The following WWC2 variants were observed in gnomAD, a reference collection of about 807,000 sequenced individuals.
WWC2 encodes the protein protein WWC2.
WWC2 carries 101 observed loss-of-function variants against 138.5 expected under a neutral mutation model. The ratio of observed to expected loss-of-function variants is 0.73; its 90% CI spans 0.62 to 0.86. The LOEUF (loss-of-function observed/expected upper bound fraction) is 0.86, where lower values mean the gene tolerates loss of function less well. Ranked by LOEUF, WWC2 falls within the 40% of genes least tolerant of loss-of-function variation. WWC2 has a pLI of 0.00. For synonymous variants in WWC2, 558 were observed against 538.4 expected (o/e 1.04, Z -0.50); for missense variants, 1,420 against 1,419.4 (o/e 1.00, Z -0.01).
intron 15 of WWC2, chr4:183,270,042 A>AG (rs1185952107): frequency 6.6e-6 from 1 of 152,216 alleles, no homozygotes; most frequent in Admixed American, 6.5e-5. Flanking sequence ...ACAAAGTTTA[A>AG]GAGGGGTAGG....
chr4:183,171,612 T>C (rs1366939710), intron 1 of WWC2, among the ~76,000 whole-genome samples: 5 of 151,536 alleles, frequency 3.3e-5, no homozygotes, highest in Non-Finnish European at 7.4e-5. Context: ...TTTAAAACTT[T>C]ACGTTAATCA....
Position 183,118,423 on chromosome 4 carries a change from A to G in WWC2, c.131+18801A>G, listed in dbSNP as rs191440920. The stretch of plus-strand genomic sequence containing the variant: ...TTTTTTTTCTGTCTTTATGGTAGCT[A>G]GAAATATATTGTGTATCTGATTCTA... On this transcript the variant is annotated intron_variant, in intron 1 of 22. Transcript: ENST00000403733. 3.3e-5 allele frequency among the ~76,000 whole-genome samples: 5 copies of G among 152,256 alleles called. No homozygotes were observed. The East Asian group carries it at 9.7e-4, about 29-fold the overall frequency.
intron 4 of WWC2, among the ~76,000 whole-genome samples, chr4:183,225,453 G>A (rs1736042472): frequency 6.6e-6 from 1 of 152,152 alleles, no homozygotes; most frequent in South Asian, 2.1e-4. Context: ...GAAAATAAAG[G>A]TGAGTCCCTA....
At position 183,172,564 on chromosome 4, in the gene WWC2, T is replaced by G. The variant is rs551326732; in HGVS notation, c.132-21035T>G. On this transcript the variant is annotated intron_variant, in intron 1 of 22. Coordinates refer to ENST00000403733, the MANE Select transcript of WWC2 (RefSeq NM_024949.6). ...ATGCTTTTATGTTTCTTGTTTTTTT[T>G]TTTTTTTTTTGTTATTGTTATTTGT... Among the ~76,000 whole-genome samples, 385 of 151,424 alleles carry G rather than the reference T, an allele frequency of 2.5e-3. 1 individual carries two copies. The highest frequency in any genetic ancestry group is 0.024 in the Middle Eastern group (7 of 294).
chr4:183,140,753 C>T (rs1733277007), intron 1 of WWC2, among the ~76,000 whole-genome samples: 1 of 152,160 alleles, frequency 6.6e-6, no homozygotes, highest in African/African-American at 2.4e-5. Flanking sequence ...CATTTACCTT[C>T]TTGACTTGTG....
At chr4:183,163,137 G>A (rs1314236809) in intron 1 of WWC2, among the ~76,000 whole-genome samples, 2 of 152,200 alleles carry the variant, frequency 1.3e-5, no homozygotes, top group African/African-American at 4.8e-5. Flanking sequence ...ATTAAAAAGT[G>A]GTGACGGTAA....
intron 11 of WWC2, among the ~76,000 whole-genome samples, chr4:183,263,393 C>T (rs1737398929): frequency 6.6e-6 from 1 of 152,166 alleles, no homozygotes; most frequent in Non-Finnish European, 1.5e-5. Flanking sequence ...GTCTGGTTGG[C>T]CCATGCCTTG....
At chr4:183,240,133 G>T in intron 4 of WWC2, 50 bp from the exon 5 acceptor site, 1 of 1,325,486 alleles carries the variant, frequency 7.5e-7, no homozygotes, top group Non-Finnish European at 1.0e-6. Context: ...TGTAGACTGT[G>T]TTGCTAATTA....
At chr4:183,157,467 G>A (rs1733837972) in intron 1 of WWC2, among the ~76,000 whole-genome samples, 1 of 152,062 alleles carries the variant, frequency 6.6e-6, no homozygotes, top group Non-Finnish European at 1.5e-5. Context: ...TACAGAAATG[G>A]GAAGGGGAAA....
rs1739467173 is a variant in WWC2 at position 183,317,139 on chromosome 4, C to T, written c.*1410C>T. 1 of 148,334 alleles carries T rather than the reference C, an allele frequency of 6.7e-6. No homozygotes were observed. The highest frequency in any genetic ancestry group is 6.7e-5 in the Admixed American group (1 of 15,030). 9.2% of individuals were successfully genotyped at this position (148,334 alleles called of 1,614,324 possible). On this transcript the variant is annotated 3_prime_UTR_variant, in exon 23 of 23. Transcript: ENST00000403733. ...ATAAAATAGATTTTTTAAAGAAATC[C>T]AAAATTGTCTTAAAGGAATGGACCC...
intron 1 of WWC2, among the ~76,000 whole-genome samples, chr4:183,118,420 G>A (rs1167698788): frequency 6.6e-6 from 1 of 151,972 alleles, no homozygotes; most frequent in African/African-American, 2.4e-5. Flanking sequence ...CTTTATGGTA[G>A]CTAGAAATAT....
chr4:183,214,732 C>T (rs139946675), intron 4 of WWC2, among the ~76,000 whole-genome samples: 143 of 151,314 alleles, frequency 9.5e-4, no homozygotes, highest in African/African-American at 3.1e-3. Context: ...GTGGAGGTTG[C>T]GGTGAGCCGA....
intron 1 of WWC2, among the ~76,000 whole-genome samples, chr4:183,100,616 A>G (rs1743147858): frequency 6.6e-6 from 1 of 152,148 alleles, no homozygotes; most frequent in Non-Finnish European, 1.5e-5. Context: ...TTTGGGCTTT[A>G]TATACTTTTT....
In WWC2 at chr4:183,257,203, C is replaced by T. The variant is rs183875351; in HGVS notation, c.1197-2436C>T. Among the ~76,000 whole-genome samples, 702 of 151,994 alleles carry T rather than the reference C, an allele frequency of 4.6e-3. 5 individuals are homozygous for T. The highest frequency in any genetic ancestry group is 9.8e-3 in the Admixed American group (150 of 15,282). Reference sequence around the variant, plus strand: ...GGGGTTTGCCTTGTAATTGCCAAGACGTCTTAATTGTTTCTTAATTATTTG... The same window carrying T: ...GGGGTTTGCCTTGTAATTGCCAAGATGTCTTAATTGTTTCTTAATTATTTG... On this transcript the variant is annotated intron_variant, in intron 9 of 22. Coordinates refer to ENST00000403733, the MANE Select transcript of WWC2 (RefSeq NM_024949.6).
At chr4:183,276,128 G>C (rs1737849196) in intron 16 of WWC2, among the ~76,000 whole-genome samples, 2 of 151,986 alleles carry the variant, frequency 1.3e-5, no homozygotes, top group East Asian at 3.9e-4. Flanking sequence ...TGTTAGTAAA[G>C]CTACATATCA....
intron 1 of WWC2, among the ~76,000 whole-genome samples, chr4:183,142,988 A>G (rs1159894678): frequency 2.0e-5 from 3 of 152,248 alleles, no homozygotes; most frequent in Non-Finnish European, 4.4e-5. Context: ...AGAAATGAAC[A>G]GTGAAATTCA....
intron 4 of WWC2, among the ~76,000 whole-genome samples, chr4:183,210,359 A>G (rs1735562384): frequency 6.6e-6 from 1 of 152,148 alleles, no homozygotes. Context: ...GAACAAGTCT[A>G]GAGATGGAAT....
rs1288524360 is a variant in WWC2 at position 183,320,196 on chromosome 4, A to G, written c.*4467A>G. On this transcript the variant is annotated 3_prime_UTR_variant, in exon 23 of 23. Coordinates refer to ENST00000403733, the MANE Select transcript of WWC2 (RefSeq NM_024949.6). ...TAATGAAACTCCAGCTAGTTGAGCT[A>G]CAGTTCTAAATACTAAAGCCATTAT... 6.2e-7 allele frequency: 1 copy of G among 1,614,078 alleles called. No homozygotes were observed. Among genetic ancestry groups the G allele is most frequent in the South Asian group, 1.1e-5 (1 of 91,070 alleles).
chr4:183,243,102 T>C (rs1232638160), intron 5 of WWC2, among the ~76,000 whole-genome samples: 2 of 152,248 alleles, frequency 1.3e-5, no homozygotes, highest in Admixed American at 1.3e-4. Flanking sequence ...TCTCTGAAAT[T>C]TAAATTAGCA....
Sources: gnomAD v4.1 joint callset for allele counts (sites outside exome capture counted in the v4.1 genomes callset) on GRCh38, gnomAD v4.1.1 for gene constraint, MANE v1.5 for transcripts, NCBI Gene and HGNC (gene_info 2026-07-23, HGNC 2026-07-21) for gene names.